The following SH3KBP1 variants were observed in gnomAD, a reference collection of about 807,000 sequenced individuals.
SH3KBP1 encodes SH3 domain-containing kinase-binding protein 1.
In SH3KBP1, 8 loss-of-function variants were observed where a neutral mutation model predicts 50.1. That is an observed-to-expected ratio of 0.16 (90% CI 0.09 to 0.29). SH3KBP1 has a LOEUF of 0.29. Ranked by LOEUF, SH3KBP1 falls within the 10% of genes least tolerant of loss-of-function variation. The probability of loss-of-function intolerance (pLI) is 1.00; values close to 1 mark genes in which losing one functional copy is unlikely to be tolerated. For synonymous variants in SH3KBP1, 227 were observed against 218.6 expected (o/e 1.04, Z -0.34); for missense variants, 377 against 535.2 (o/e 0.70, Z 2.92).
At chrX:19,614,994 T>C (rs1321911010) in intron 8 of SH3KBP1, among the ~76,000 whole-genome samples, 1 of 112,027 alleles carries the variant, frequency 8.9e-6, no homozygotes, top group African/African-American at 3.2e-5. Context: ...CTCTCCACTT[T>C]CAAACATCAG....
chrX:19,773,651 CTG>C (rs1158300323), intron 2 of SH3KBP1, among the ~76,000 whole-genome samples: 2 of 108,365 alleles, frequency 1.8e-5, no homozygotes, highest in South Asian at 4.0e-4. Flanking sequence ...GGTCAGGAGA[CTG>C]AGATCATCCT....
At chrX:19,731,732 T>C (rs1382299714) in intron 3 of SH3KBP1, among the ~76,000 whole-genome samples, 1 of 112,175 alleles carries the variant, frequency 8.9e-6, no homozygotes, top group African/African-American at 3.2e-5. Flanking sequence ...TTAGGGTATA[T>C]GAGTACAAGC....
chrX:19,754,276 T>C (rs771663478), intron 2 of SH3KBP1, among the ~76,000 whole-genome samples: 62 of 111,880 alleles, frequency 5.5e-4, no homozygotes, highest in African/African-American at 1.9e-3. Flanking sequence ...TACCTTTGTG[T>C]CCCAAAGAGA....
At chrX:19,747,541 A>C in intron 2 of SH3KBP1, 1 of 317,064 alleles carries the variant, frequency 3.2e-6, no homozygotes, top group Non-Finnish European at 6.4e-6. Flanking sequence ...AGAGATGCTA[A>C]ATTGGGTAGA....
intron 13 of SH3KBP1, among the ~76,000 whole-genome samples, chrX:19,552,631 G>C (rs932500491): frequency 1.8e-5 from 2 of 110,516 alleles, no homozygotes; most frequent in Non-Finnish European, 3.8e-5. Context: ...AACTGAACAG[G>C]ATGAAGTGAC....
At chrX:19,572,541 G>C (rs1052286750) in intron 12 of SH3KBP1, among the ~76,000 whole-genome samples, 5 of 106,558 alleles carry the variant, frequency 4.7e-5, no homozygotes, top group Admixed American at 1.0e-4. Flanking sequence ...CTCTCTCTCT[G>C]TCTATATATA....
intron 3 of SH3KBP1, among the ~76,000 whole-genome samples, chrX:19,722,555 TGCGCGTGCGCACTG>T (rs1343621373): frequency 1.3e-4 from 13 of 96,663 alleles, no homozygotes; most frequent in African/African-American, 5.0e-4. Context: ...TGTGTGTGTG[TGCGCGTGCGCACTG>T]GTGTGTGTGT....
chrX:19,778,912 C>A (rs2066072293), intron 2 of SH3KBP1, among the ~76,000 whole-genome samples: 1 of 110,089 alleles, frequency 9.1e-6, no homozygotes, highest in Non-Finnish European at 1.9e-5. Context: ...TCAGTAACAA[C>A]CTACACTTCA....
chrX:19,743,406 G>A (rs1195187778), intron 3 of SH3KBP1, among the ~76,000 whole-genome samples: 1 of 108,890 alleles, frequency 9.2e-6, no homozygotes, highest in Non-Finnish European at 1.9e-5. Flanking sequence ...GAGAGCCTGG[G>A]TGTCAGAGTG....
chrX:19,780,192 G>T, intron 2 of SH3KBP1, among the ~76,000 whole-genome samples: 1 of 109,094 alleles, frequency 9.2e-6, no homozygotes, highest in Non-Finnish European at 1.9e-5. Context: ...CTGATGGCCA[G>T]TAATGATGAG....
intron 2 of SH3KBP1, among the ~76,000 whole-genome samples, chrX:19,798,234 G>A (rs955378813): frequency 1.8e-5 from 2 of 109,933 alleles, no homozygotes; most frequent in African/African-American, 3.3e-5. Context: ...ACAGGCGTGT[G>A]TCACCATTCC....
intron 17 of SH3KBP1, 77 bp from the exon 18 acceptor site, chrX:19,536,535 C>T: frequency 3.2e-6 from 2 of 629,511 alleles, no homozygotes; most frequent in Non-Finnish European, 5.0e-6. Context: ...GATTATCAAC[C>T]CGGTCGACTG....
intron 2 of SH3KBP1, among the ~76,000 whole-genome samples, chrX:19,769,972 C>T (rs769099874): frequency 9.0e-5 from 10 of 111,596 alleles, no homozygotes; most frequent in South Asian, 3.7e-4. Flanking sequence ...TTCTCACTCT[C>T]GGATTCATGG....
intron 13 of SH3KBP1, among the ~76,000 whole-genome samples, chrX:19,559,271 C>T (rs2065591335): frequency 4.3e-5 from 1 of 23,037 alleles, no homozygotes; most frequent in Non-Finnish European, 6.2e-5. Flanking sequence ...GACTCTGTCT[C>T]ACCAAAAAAA....
Position 19,611,724 on chromosome X carries a change from T to C in SH3KBP1, c.898-3679A>G, listed in dbSNP as rs530974897. 6.3e-5 allele frequency among the ~76,000 whole-genome samples: 7 copies of C among 110,934 alleles called. No individual in the cohort carries two copies. The South Asian group carries it at 2.7e-3, about 43-fold the overall frequency. On this transcript the variant is annotated intron_variant, in intron 8 of 17. Coordinates refer to ENST00000397821, the MANE Select transcript of SH3KBP1 (RefSeq NM_031892.3). ...CATAATGACATTGTATGTCTCATAT[T>C]TCCCCTTGGTGATGACTGGCTTGGA...
chrX:19,750,493 A>C (rs1181649054), intron 2 of SH3KBP1, among the ~76,000 whole-genome samples: 1 of 112,474 alleles, frequency 8.9e-6, no homozygotes, highest in Non-Finnish European at 1.9e-5. Flanking sequence ...ATCTCCAGTT[A>C]CTTCCAAAAG....
chrX:19,824,908 A>T (rs1178224881), intron 2 of SH3KBP1, among the ~76,000 whole-genome samples: 4 of 112,023 alleles, frequency 3.6e-5, no homozygotes, highest in African/African-American at 1.3e-4. Context: ...TCCAGACCCT[A>T]CTTGGAATAA....
chrX:19,552,567 G>C (rs2065273868), intron 13 of SH3KBP1, among the ~76,000 whole-genome samples: 1 of 110,754 alleles, frequency 9.0e-6, no homozygotes, highest in African/African-American at 3.3e-5. Flanking sequence ...GGCAGAGCTG[G>C]ACAAACCTAT....
chrX:19,622,480 C>T (rs2067868968), intron 8 of SH3KBP1, among the ~76,000 whole-genome samples: 1 of 112,380 alleles, frequency 8.9e-6, no homozygotes, highest in African/African-American at 3.2e-5. Flanking sequence ...TAACTGCTAA[C>T]ATTTATGTAG....
Sources: allele counts gnomAD v4.1 joint callset (sites outside exome capture counted in the v4.1 genomes callset), GRCh38; gene constraint gnomAD v4.1.1; transcripts MANE v1.5; gene names NCBI Gene and HGNC (gene_info 2026-07-23, HGNC 2026-07-21).